Variants in GMDS observed in about 807,000 individuals in gnomAD.
GMDS encodes GDP-mannose 4,6-dehydratase.
In GMDS, 20 loss-of-function variants were observed where a neutral mutation model predicts 49.9. The observed-to-expected ratio is 0.40, with a 90% CI of 0.28 to 0.58. The LOEUF is 0.58. GMDS is among the 20% of genes least tolerant of loss of function. The probability of loss-of-function intolerance (pLI) is 0.42; values close to 1 mark genes in which losing one functional copy is unlikely to be tolerated. For missense variants in GMDS, 362 were observed against 481.4 expected (o/e 0.75, Z 2.32); for synonymous variants, 177 against 178.6 (o/e 0.99, Z 0.07).
intron 7 of GMDS, among the ~76,000 whole-genome samples, chr6:1,822,148 G>A (rs750289059): frequency 3.3e-5 from 5 of 152,136 alleles, no homozygotes; most frequent in Non-Finnish European, 7.3e-5. Context: ...ATAATGAAAT[G>A]GTACCACACG....
At chr6:1,878,314 C>CAAAAAAAA (rs11463549) in intron 7 of GMDS, among the ~76,000 whole-genome samples, 1 of 72,530 alleles carries the variant, frequency 1.4e-5, no homozygotes, top group Non-Finnish European at 2.5e-5. Context: ...GAATCCATCT[C>CAAAAAAAA]AAAAAAAAAA....
chr6:1,989,266 T>G (rs748386535), intron 4 of GMDS, among the ~76,000 whole-genome samples: 3 of 152,190 alleles, frequency 2.0e-5, no homozygotes, highest in Non-Finnish European at 2.9e-5. Context: ...GAAATGGGCA[T>G]ACTCTTGGTG....
At chr6:2,232,428 A>G (rs746446197) in intron 1 of GMDS, among the ~76,000 whole-genome samples, 7 of 152,200 alleles carry the variant, frequency 4.6e-5, no homozygotes, top group African/African-American at 9.7e-5. Context: ...CTTATGGCCC[A>G]TGAAATTTAC....
rs770989360 is a variant in GMDS, at chr6:1,685,017, C to CT, written c.987+41398_987+41399insA. Reference sequence around the variant, plus strand: ...ACAAAACTGCTCCCTCTCTCCCCCCCCTTTTTTTTTAACTACTTACCCACC... The same window carrying CT: ...ACAAAACTGCTCCCTCTCTCCCCCCCTCTTTTTTTTTAACTACTTACCCACC... On this transcript the variant is annotated intron_variant, in intron 9 of 10. Coordinates refer to ENST00000380815, the MANE Select transcript of GMDS (RefSeq NM_001500.4). Among the ~76,000 whole-genome samples, 717 of 112,524 alleles carry CT rather than the reference C, an allele frequency of 6.4e-3. 2 individuals are homozygous for CT. The highest frequency in any genetic ancestry group is 7.8e-3 in the Non-Finnish European group (402 of 51,338). The allele number at this position is 112,524 out of a possible 152,430, so 73.8% of individuals were successfully genotyped here.
chr6:1,802,470 C>T (rs1212838389), intron 7 of GMDS, among the ~76,000 whole-genome samples: 1 of 152,236 alleles, frequency 6.6e-6, no homozygotes, highest in Non-Finnish European at 1.5e-5. Context: ...TCCTTTCCAA[C>T]TATAAAACAG....
At chr6:1,905,871 T>C (rs940729211) in intron 7 of GMDS, among the ~76,000 whole-genome samples, 2 of 74,030 alleles carry the variant, frequency 2.7e-5, no homozygotes, top group African/African-American at 1.2e-4. Flanking sequence ...CTGTGGGTGC[T>C]GGCATGTGAC....
chr6:1,969,292 A>AGG (rs1764465071), intron 4 of GMDS, among the ~76,000 whole-genome samples: 4 of 129,478 alleles, frequency 3.1e-5, no homozygotes, highest in Non-Finnish European at 3.4e-5. Context: ...AAAAAAAAAG[A>AGG]GAAAGAAAGA....
intron 7 of GMDS, among the ~76,000 whole-genome samples, chr6:1,881,714 T>C (rs1759370468): frequency 6.6e-6 from 1 of 152,186 alleles, no homozygotes; most frequent in Non-Finnish European, 1.5e-5. Flanking sequence ...CTAATTCTCA[T>C]CCCAGAAATC....
intron 1 of GMDS, among the ~76,000 whole-genome samples, chr6:2,133,274 T>A (rs1775837253): frequency 1.3e-5 from 2 of 152,246 alleles, no homozygotes; most frequent in Non-Finnish European, 2.9e-5. Flanking sequence ...TATTAATGTT[T>A]CCTTGTGCAT....
chr6:1,689,123 T>G (rs1444962331), intron 9 of GMDS, among the ~76,000 whole-genome samples: 1 of 152,202 alleles, frequency 6.6e-6, no homozygotes, highest in Non-Finnish European at 1.5e-5. Context: ...TAAATCAAGC[T>G]GAGGTTGTGG....
At chr6:1,769,477 T>C (rs1445952930) in intron 7 of GMDS, among the ~76,000 whole-genome samples, 2 of 152,226 alleles carry the variant, frequency 1.3e-5, no homozygotes, top group Non-Finnish European at 2.9e-5. Flanking sequence ...TGGCATTCTG[T>C]AATTCCCTGC....
At chr6:1,913,002 T>C (rs964003860) in intron 7 of GMDS, among the ~76,000 whole-genome samples, 6 of 152,220 alleles carry the variant, frequency 3.9e-5, no homozygotes, top group Non-Finnish European at 7.3e-5. Flanking sequence ...TTTAGTTATG[T>C]AATTTGCTCA....
chr6:1,921,101 T>C (rs143194365), intron 7 of GMDS, among the ~76,000 whole-genome samples: 1 of 152,338 alleles, frequency 6.6e-6, no homozygotes, highest in Non-Finnish European at 1.5e-5. Context: ...TGAAGTTTCA[T>C]AACCCTCATA....
chr6:2,223,145 C>CTATA (rs1204215223), intron 1 of GMDS, among the ~76,000 whole-genome samples: 1 of 151,728 alleles, frequency 6.6e-6, no homozygotes, highest in African/African-American at 2.4e-5. Flanking sequence ...CGCTCTCTCT[C>CTATA]TCTCTATATA....
At chr6:1,872,256 A>G (rs1020643270) in intron 7 of GMDS, among the ~76,000 whole-genome samples, 4 of 152,254 alleles carry the variant, frequency 2.6e-5, no homozygotes, top group African/African-American at 9.6e-5. Flanking sequence ...TTGTTTTCAC[A>G]AAGGGAACAG....
At chr6:2,059,517 G>A in intron 4 of GMDS, among the ~76,000 whole-genome samples, 1 of 148,976 alleles carries the variant, frequency 6.7e-6, no homozygotes. Context: ...GACCATCCTG[G>A]CTAACACGGT....
At chr6:1,626,325 T>C (rs758272544) in intron 9 of GMDS, 3 of 152,254 alleles carry the variant, frequency 2.0e-5, no homozygotes, top group Non-Finnish European at 2.9e-5. Flanking sequence ...AAACAAGTTA[T>C]TTCTGCTGGC....
At chr6:1,840,777 T>G (rs1275101279) in intron 7 of GMDS, among the ~76,000 whole-genome samples, 1 of 152,080 alleles carries the variant, frequency 6.6e-6, no homozygotes, top group East Asian at 1.9e-4. Context: ...CTGCTAGACT[T>G]AAAAAAAGGA....
chr6:1,909,574 T>C (rs1760945308), intron 7 of GMDS, among the ~76,000 whole-genome samples: 1 of 152,192 alleles, frequency 6.6e-6, no homozygotes, highest in South Asian at 2.1e-4. Context: ...GTGGTTGCTT[T>C]TCTCCAAGGA....
Sources: gnomAD v4.1 joint callset for allele counts (sites outside exome capture counted in the v4.1 genomes callset) on GRCh38, gnomAD v4.1.1 for gene constraint, MANE v1.5 for transcripts, NCBI Gene and HGNC (gene_info 2026-07-23, HGNC 2026-07-21) for gene names.